TNR: variants seen among roughly 807,000 people sequenced by gnomAD.
TNR encodes tenascin-R.
In TNR, 45 loss-of-function variants were observed where a neutral mutation model predicts 150.4. That is an observed-to-expected ratio of 0.30 (90% CI 0.24 to 0.38). The LOEUF is 0.38. Among genes scored for constraint, TNR ranks in the 10% least tolerant of loss-of-function variants. The probability of loss-of-function intolerance (pLI) is 1.00; values close to 1 mark genes in which losing one functional copy is unlikely to be tolerated. For synonymous variants in TNR, 687 were observed against 678.4 expected (o/e 1.01, Z -0.20); for missense variants, 1,544 against 1,759.1 (o/e 0.88, Z 2.19).
chr1:175,406,179 C>A (rs368084237), intron 3 of TNR, 37 bp downstream of exon 3: 1 of 1,594,788 alleles, frequency 6.3e-7, no homozygotes, highest in South Asian at 1.2e-5. Context: ...CCTCTCCTTC[C>A]CCTCCTGAGA....
At position 175,587,874 on chromosome 1, in the gene TNR, C is replaced by T. The variant is rs565527063; in HGVS notation, c.-164-59505G>A. 2.0e-5 allele frequency among the ~76,000 whole-genome samples: 3 copies of T among 152,266 alleles called. No homozygotes were observed. In the South Asian group the frequency reaches 6.2e-4, roughly 32 times the overall value. On this transcript the variant is annotated intron_variant, in intron 1 of 22. Coordinates refer to ENST00000367674, the MANE Select transcript of TNR (RefSeq NM_003285.3). The stretch of plus-strand genomic sequence containing the variant: ...CTGTGCAGGTTGTTGCATTCCATTC[C>T]CATGTAACCACTAAGAGAGGGGAAG...
intron 9 of TNR, among the ~76,000 whole-genome samples, chr1:175,375,480 G>GT (rs1652331641): frequency 1.3e-5 from 2 of 152,068 alleles, no homozygotes; most frequent in South Asian, 2.1e-4. Context: ...GAATAATGGG[G>GT]GGGGAGTGTT....
chr1:175,468,699 A>G (rs1368160820), intron 2 of TNR, among the ~76,000 whole-genome samples: 1 of 152,170 alleles, frequency 6.6e-6, no homozygotes, highest in Non-Finnish European at 1.5e-5. Context: ...GGTCTGCACC[A>G]TCAAAGACGT....
At chr1:175,719,425 G>A (rs1331047318) in intron 1 of TNR, among the ~76,000 whole-genome samples, 4 of 152,226 alleles carry the variant, frequency 2.6e-5, no homozygotes, top group African/African-American at 9.7e-5. Flanking sequence ...AGTCTTGACT[G>A]CAGAGTTTTG....
At chr1:175,613,512 C>T (rs1482424137) in intron 1 of TNR, among the ~76,000 whole-genome samples, 1 of 151,576 alleles carries the variant, frequency 6.6e-6, no homozygotes, top group Non-Finnish European at 1.5e-5. Context: ...GTTCTTCTCG[C>T]CTGCAGCTAA....
chr1:175,454,807 A>G (rs537848345), intron 2 of TNR, among the ~76,000 whole-genome samples: 7 of 152,172 alleles, frequency 4.6e-5, no homozygotes, highest in Non-Finnish European at 8.8e-5. Flanking sequence ...ATTTTAAACA[A>G]GTATCTTACA....
chr1:175,367,271 C>T lies in TNR; in HGVS notation c.1990G>A (p.Val664Ile). The T allele has an allele frequency of 6.2e-7, 1 of 1,614,188 alleles. No homozygotes were observed. Residue 664 changes from valine (V) to isoleucine (I), a missense_variant, in exon 10 of 23, where the codon GTT (valine) becomes ATT (isoleucine). Coordinates refer to ENST00000367674, the MANE Select transcript of TNR (RefSeq NM_003285.3). ...GAGTTCATGACGGCAGATATTCCAA[C>T]TCCATACTCAGTGCCAGGTACCAGA... Reference protein sequence around the residue: ...TDLVPGTEYGVGISAVMNSQQ... With the variant: ...TDLVPGTEYGIGISAVMNSQQ...
rs1432745117 is a variant in TNR at position 175,599,246 on chromosome 1, C to T, written c.-164-70877G>A. Among the ~76,000 whole-genome samples the T allele has an allele frequency of 1.3e-5, 2 of 152,230 alleles. No individual in the cohort carries two copies. The highest frequency in any genetic ancestry group is 6.5e-5 in the Admixed American group (1 of 15,290). On this transcript the variant is annotated intron_variant, in intron 1 of 22. Coordinates refer to ENST00000367674, the MANE Select transcript of TNR (RefSeq NM_003285.3). This position sits in a 1 kb window ranked among gnomAD's most constrained non-coding sequence, Gnocchi z 4.7. ...CAGCTTGGCCTTGGCCACCTCGGGT[C>T]ACCGCTCCTCCCTTTCAGGCGCCCG...
chr1:175,731,139 A>G (rs2101953658), intron 1 of TNR, among the ~76,000 whole-genome samples: 1 of 152,340 alleles, frequency 6.6e-6, no homozygotes, highest in South Asian at 2.1e-4. Flanking sequence ...GATACTGCAG[A>G]GCCCATGAAG....
At chr1:175,338,236 C>A (rs1650342321) in intron 18 of TNR, among the ~76,000 whole-genome samples, 1 of 152,192 alleles carries the variant, frequency 6.6e-6, no homozygotes, top group Admixed American at 6.5e-5. Flanking sequence ...ATTCCTTGTA[C>A]AAAATACATC....
chr1:175,449,111 C>A (rs1042413731), intron 2 of TNR, among the ~76,000 whole-genome samples: 1 of 152,196 alleles, frequency 6.6e-6, no homozygotes, highest in Non-Finnish European at 1.5e-5. Context: ...ACTGTCTTAT[C>A]CACAATAGTA....
chr1:175,562,345 A>T (rs1571611031), intron 1 of TNR, among the ~76,000 whole-genome samples: 1 of 152,244 alleles, frequency 6.6e-6, no homozygotes, highest in African/African-American at 2.4e-5. Context: ...AGACACATTT[A>T]TATGCCCAAG....
intron 1 of TNR, among the ~76,000 whole-genome samples, chr1:175,709,293 TCACACACACACACATACA>T (rs1298235048): frequency 1.5e-5 from 2 of 135,238 alleles, no homozygotes; most frequent in Admixed American, 7.2e-5. Flanking sequence ...TCCCTTGCTT[TCACACACACACACATACA>T]CACACACACA....
chr1:175,329,494 T>C (rs1438108878), intron 21 of TNR, among the ~76,000 whole-genome samples: 1 of 152,192 alleles, frequency 6.6e-6, no homozygotes, highest in African/African-American at 2.4e-5. Context: ...AAAAGAAACA[T>C]GGCAAATGAG....
intron 12 of TNR, among the ~76,000 whole-genome samples, 164 bp downstream of exon 12, chr1:175,364,846 C>A (rs545411592): frequency 6.6e-6 from 1 of 152,324 alleles, no homozygotes; most frequent in Non-Finnish European, 1.5e-5. Context: ...GCATCTTCTG[C>A]AGCACTGGAG....
At chr1:175,462,548 G>A (rs1018351864) in intron 2 of TNR, among the ~76,000 whole-genome samples, 30 of 152,252 alleles carry the variant, frequency 2.0e-4, no homozygotes, top group African/African-American at 6.3e-4. Flanking sequence ...GGCATTCTCC[G>A]GAGTTCTTAT....
chr1:175,570,754 G>T (rs1661833061), intron 1 of TNR, among the ~76,000 whole-genome samples: 1 of 151,674 alleles, frequency 6.6e-6, no homozygotes, highest in South Asian at 2.1e-4. Flanking sequence ...CTTTATAAAA[G>T]GAGTCATCAA....
rs1223522468 is a variant in TNR, at chr1:175,365,897, C to T, written c.2295G>A (p.Glu765=). Residue 765 remains glutamate, a synonymous_variant, in exon 11 of 23, where the codon GAG becomes GAA. Transcript: ENST00000367674. ...TACCTGTGAAAGCATCCACAGTGGA[C>T]TCCAAGCTCTGCTGCCGACCCCTCT... ...TAERGRQQSL[E]STVDAFTGFR... is the part of the protein sequence containing the mutation. 1.2e-5 allele frequency: 19 copies of T among 1,613,954 alleles called. No homozygotes were observed. Among genetic ancestry groups the T allele is most frequent in the Admixed American group, 1.7e-5 (1 of 60,004 alleles).
At chr1:175,659,647 T>G (rs1169261029) in intron 1 of TNR, among the ~76,000 whole-genome samples, 2 of 152,190 alleles carry the variant, frequency 1.3e-5, no homozygotes, top group African/African-American at 4.8e-5. Flanking sequence ...CAAGCACTGC[T>G]TCTTCAGTCT....
Sources: allele counts gnomAD v4.1 joint callset (sites outside exome capture counted in the v4.1 genomes callset), GRCh38; gene constraint gnomAD v4.1.1; non-coding constraint Gnocchi (gnomAD v3.1); transcripts MANE v1.5; gene names NCBI Gene and HGNC (gene_info 2026-07-23, HGNC 2026-07-21).